The following DNAJC13 variants were observed in gnomAD, a reference collection of about 807,000 sequenced individuals.
DNAJC13 encodes the protein DnaJ heat shock protein family (Hsp40) member C13, also known as dnaJ homolog subfamily C member 13.
A neutral mutation model predicts 290.5 loss-of-function variants in DNAJC13; 75 were observed. The observed-to-expected ratio is 0.26, with a 90% CI of 0.21 to 0.31. The LOEUF (loss-of-function observed/expected upper bound fraction) is 0.31. Among genes scored for constraint, DNAJC13 ranks in the 10% least tolerant of loss-of-function variants. The probability of loss-of-function intolerance (pLI) is 1.00; values close to 1 mark genes in which losing one functional copy is unlikely to be tolerated. For missense variants in DNAJC13, 2,260 were observed against 2,674.5 expected, an observed-to-expected ratio of 0.85 and a Z score of 3.42; for synonymous variants, 862 against 892.0, an observed-to-expected ratio of 0.97 and a Z score of 0.60.
At chr3:132,518,525 G>A (rs1484039526) in intron 48 of DNAJC13, among the ~76,000 whole-genome samples, 1 of 151,898 alleles carries the variant, frequency 6.6e-6, no homozygotes, top group Non-Finnish European at 1.5e-5. Flanking sequence ...GCTAATTTTT[G>A]TATTTTTTTG....
intron 2 of DNAJC13, among the ~76,000 whole-genome samples, chr3:132,436,196 C>T (rs552926482): frequency 3.3e-5 from 5 of 152,268 alleles, no homozygotes; most frequent in Admixed American, 6.5e-5. Context: ...CTAAACACTG[C>T]GTTACAAATC....
intron 2 of DNAJC13, among the ~76,000 whole-genome samples, chr3:132,445,550 G>A (rs16839269): frequency 0.071 from 10,791 of 151,964 alleles, 795 homozygotes; most frequent in African/African-American, 0.19. Context: ...GGTTTCTTCT[G>A]TCTTGAAATC....
intron 1 of DNAJC13, among the ~76,000 whole-genome samples, chr3:132,432,501 G>A (rs1187628541): frequency 1.3e-5 from 2 of 152,084 alleles, no homozygotes; most frequent in East Asian, 1.9e-4. Context: ...CACCGCTCCC[G>A]GCCTCTACAA....
intron 1 of DNAJC13, among the ~76,000 whole-genome samples, chr3:132,425,781 C>T (rs1939074160): frequency 6.6e-6 from 1 of 151,816 alleles, no homozygotes; most frequent in African/African-American, 2.4e-5. Flanking sequence ...TTCATTCATC[C>T]CTAGTTAAAT....
intron 6 of DNAJC13, among the ~76,000 whole-genome samples, chr3:132,451,318 A>G (rs1188341085): frequency 1.3e-5 from 2 of 152,252 alleles, no homozygotes; most frequent in Middle Eastern, 3.4e-3. Context: ...AAAAAAATGA[A>G]AAAAGTAATT....
intron 40 of DNAJC13, among the ~76,000 whole-genome samples, 200 bp downstream of exon 40, chr3:132,502,668 A>G (rs989902232): frequency 6.6e-6 from 1 of 152,232 alleles, no homozygotes; most frequent in Non-Finnish European, 1.5e-5. Flanking sequence ...ATTCCAGGCA[A>G]GGGAATTTGC....
rs1302848221 is a variant in DNAJC13 at position 132,526,164 on chromosome 3, T to G, written c.6264T>G (p.Ser2088=). 5 of 1,613,990 alleles carry G rather than the reference T, an allele frequency of 3.1e-6. No individual in the cohort carries two copies. In the Admixed American group the frequency reaches 8.3e-5, roughly 27 times the overall value. The change falls in exon 53 of 56, where the codon TCT becomes TCG. Residue 2088 remains serine (S), a synonymous_variant. Transcript: ENST00000260818. ...ENELCVRAMA[S]LETIGPLMNG... is the part of the protein sequence containing the mutation. ...AGCTGTGTGTTCGAGCCATGGCATC[T>G]TTAGAGACCATTGGCCCACTGATGA...
rs751746015 is a variant in DNAJC13 at position 132,478,116 on chromosome 3, A to C, written c.2685A>C (p.Arg895Ser). ...HEEIGPFTDT[R>S]YIIGMLERCT... The stretch of plus-strand genomic sequence containing the variant: ...AAATAGGACCTTTTACAGATACCAG[A>C]TATATCATTGGAATGTTAGAGAGGG... The change falls in exon 24 of 56, where the codon AGA becomes AGC. Residue 895 changes from arginine (R) to serine (S), a missense_variant. Arg to Ser is a moderately radical substitution (Grantham distance 110). This residue lies in a region of DNAJC13 where 1,494 missense variants were observed against 1,693.7 expected (regional missense o/e 0.88). Coordinates refer to ENST00000260818, the MANE Select transcript of DNAJC13 (RefSeq NM_015268.4). 2 of 1,611,324 alleles carry C rather than the reference A, an allele frequency of 1.2e-6. No individual in the cohort carries two copies. The highest frequency in any genetic ancestry group is 1.7e-6 in the Non-Finnish European group (2 of 1,179,234).
intron 25 of DNAJC13, 123 bp downstream of exon 25, chr3:132,479,412 A>C: frequency 1.5e-6 from 1 of 668,306 alleles, no homozygotes; most frequent in Non-Finnish European, 2.6e-6. Flanking sequence ...TTAGACAGAA[A>C]GTTCTGTGTG....
intron 5 of DNAJC13, among the ~76,000 whole-genome samples, chr3:132,449,205 T>C (rs902000937): frequency 2.0e-5 from 3 of 152,140 alleles, no homozygotes; most frequent in African/African-American, 7.2e-5. Flanking sequence ...CTTGCCTAAG[T>C]TGAATTTGGC....
Position 132,500,893 on chromosome 3 carries a change from C to A in DNAJC13, c.4516C>A (p.Arg1506=). Residue 1506 remains arginine (R), a synonymous_variant, in exon 39 of 56, where the codon CGG becomes AGG. Coordinates refer to ENST00000260818, the MANE Select transcript of DNAJC13 (RefSeq NM_015268.4). ...EMPSIIKDLC[R]VLYFGKSIPR... The stretch of plus-strand genomic sequence containing the variant: ...GCCTAGCATCATCAAGGATCTCTGT[C>A]GGGTACTATATTTTGGCAAGGTAGG... 1 of 1,613,814 alleles carries A rather than the reference C, an allele frequency of 6.2e-7. No individual in the cohort carries two copies. The highest frequency in any genetic ancestry group is 1.1e-5 in the South Asian group (1 of 91,034).
At chr3:132,501,024 A>C in intron 39 of DNAJC13, 111 bp downstream of exon 39, 1 of 1,338,846 alleles carries the variant, frequency 7.5e-7, no homozygotes, top group Non-Finnish European at 1.0e-6. Flanking sequence ...TTTGTAAGTA[A>C]AATTATTTGG....
At chr3:132,532,714 G>GA (rs11394552) in intron 55 of DNAJC13, among the ~76,000 whole-genome samples, 67,178 of 150,242 alleles carry the variant, frequency 0.45, 17,044 homozygotes, top group African/African-American at 0.71. Flanking sequence ...TGGTATGATT[G>GA]AAAAAAAAAT....
chr3:132,444,935 A>G (rs1424949793), intron 2 of DNAJC13, among the ~76,000 whole-genome samples: 6 of 152,222 alleles, frequency 3.9e-5, no homozygotes, highest in Non-Finnish European at 8.8e-5. Context: ...AAAAAACACA[A>G]TGTAGCAATA....
chr3:132,471,916 G>A (rs1934281065), intron 20 of DNAJC13, among the ~76,000 whole-genome samples: 1 of 144,504 alleles, frequency 6.9e-6, no homozygotes, highest in African/African-American at 2.5e-5. Flanking sequence ...GTAGGTTGTA[G>A]TGAGCCGAGA....
intron 51 of DNAJC13, among the ~76,000 whole-genome samples, chr3:132,525,207 G>A (rs1359530811): frequency 2.0e-5 from 3 of 152,164 alleles, no homozygotes; most frequent in African/African-American, 4.8e-5. Flanking sequence ...AGGCGTGGTG[G>A]TGCATGCCTG....
At chr3:132,482,132 C>A (rs1424318879) in intron 26 of DNAJC13, 94 bp from the exon 27 acceptor site, 8 of 919,676 alleles carry the variant, frequency 8.7e-6, no homozygotes, top group Non-Finnish European at 1.1e-5. Flanking sequence ...GGGATATAAA[C>A]CCCTCCAAAG....
At chr3:132,523,877 C>A in intron 51 of DNAJC13, 164 bp downstream of exon 51, 1 of 674,366 alleles carries the variant, frequency 1.5e-6, no homozygotes, top group Non-Finnish European at 2.4e-6. Flanking sequence ...CATTTTTTTG[C>A]CATGTTCAAA....
At chr3:132,492,132 T>C (rs1221851805) in intron 32 of DNAJC13, among the ~76,000 whole-genome samples, 2 of 152,140 alleles carry the variant, frequency 1.3e-5, no homozygotes, top group Non-Finnish European at 2.9e-5. Context: ...ATTCAGATGC[T>C]ATACCATTTG....
Sources: allele counts gnomAD v4.1 joint callset (sites outside exome capture counted in the v4.1 genomes callset), GRCh38; gene constraint gnomAD v4.1.1; regional missense constraint gnomAD v4.1.1; transcripts MANE v1.5; gene names NCBI Gene and HGNC (gene_info 2026-07-23, HGNC 2026-07-21).